Variants in NT5DC3 observed in about 807,000 individuals in gnomAD.
NT5DC3 encodes 5'-nucleotidase domain-containing protein 3.
In NT5DC3, 42 loss-of-function variants were observed where a neutral mutation model predicts 67.8. That is an observed-to-expected ratio of 0.62 (90% confidence interval 0.48 to 0.80). The LOEUF (loss-of-function observed/expected upper bound fraction) is 0.80, where lower values mean the gene tolerates loss of function less well. NT5DC3 is among the 30% of genes least tolerant of loss of function. The probability of loss-of-function intolerance (pLI) is 0.00; values close to 1 mark genes in which losing one functional copy is unlikely to be tolerated. For synonymous variants in NT5DC3, 237 were observed against 255.6 expected (o/e 0.93, Z 0.69); for missense variants, 570 against 696.4 (o/e 0.82, Z 2.04).
At position 103,841,053 on chromosome 12, in the gene NT5DC3, G is replaced by A. The variant is rs977896766; in HGVS notation, c.104C>T (p.Pro35Leu). The A allele has an allele frequency of 3.2e-6, 4 of 1,261,440 alleles. No individual in the cohort carries two copies. In the African/African-American group the frequency reaches 4.7e-5, roughly 15 times the overall value. 78.1% of individuals were successfully genotyped at this position (1,261,440 alleles called of 1,614,324 possible). Residue 35 changes from proline (P) to leucine (L), a missense_variant, in exon 1 of 14, where the codon CCG (proline) becomes CTG (leucine). Pro to Leu is a moderately conservative substitution (Grantham distance 98, BLOSUM62 -3). This residue lies in a region of NT5DC3 where 104 missense variants were observed against 88.4 expected (regional missense o/e 1.18). Coordinates refer to ENST00000392876, the MANE Select transcript of NT5DC3 (RefSeq NM_001031701.3). ...GGCGTAARGR[P>L]CAGPARPLCT... The stretch of plus-strand genomic sequence containing the variant: ...CAAGGGCCGGGCGGGGCCCGCACAC[G>A]GCCGCCCCCGAGCCGCGGTCCCGCA...
At chr12:103,792,970 T>C (rs1425768959) in intron 9 of NT5DC3, among the ~76,000 whole-genome samples, 194 bp downstream of exon 9, 9 of 152,246 alleles carry the variant, frequency 5.9e-5, no homozygotes, top group African/African-American at 2.2e-4. Context: ...CTGAGAACCC[T>C]TTCAATGCAT....
intron 1 of NT5DC3, among the ~76,000 whole-genome samples, chr12:103,838,871 G>A (rs1307476415): frequency 6.6e-6 from 1 of 152,168 alleles, no homozygotes; most frequent in African/African-American, 2.4e-5. Flanking sequence ...GTTACATACT[G>A]TATGACTCCA....
chr12:103,829,498 T>C (rs1303162119), intron 1 of NT5DC3, among the ~76,000 whole-genome samples: 1 of 152,268 alleles, frequency 6.6e-6, no homozygotes, highest in Non-Finnish European at 1.5e-5. Flanking sequence ...CCCATTCTAT[T>C]AATCTCAACC....
chr12:103,758,207 G>T, the NT5DC3 span: 16 of 1,614,038 alleles, frequency 9.9e-6, no homozygotes, highest in Non-Finnish European at 1.3e-5. Flanking sequence ...GCTCGAGGCC[G>T]TGCATTTCTA....
At chr12:103,824,784 G>GC (rs1368589661) in intron 1 of NT5DC3, among the ~76,000 whole-genome samples, 1 of 122,952 alleles carries the variant, frequency 8.1e-6, no homozygotes, top group African/African-American at 3.1e-5. Flanking sequence ...CTCCACCCCT[G>GC]CCCAGCCCCA....
At position 103,805,657 on chromosome 12, in the gene NT5DC3, C is replaced by T. The variant is rs559071326; in HGVS notation, c.524+665G>A. On this transcript the variant is annotated intron_variant, in intron 4 of 13. Coordinates refer to ENST00000392876, the MANE Select transcript of NT5DC3 (RefSeq NM_001031701.3). Reference sequence around the variant, plus strand: ...GGTCAGGAGTTCAAGACCAGCCTGGCTAATATGGTGAAACCCTGTCTCTAC... The same window carrying T: ...GGTCAGGAGTTCAAGACCAGCCTGGTTAATATGGTGAAACCCTGTCTCTAC... Among the ~76,000 whole-genome samples the T allele has an allele frequency of 6.6e-5, 10 of 152,046 alleles. No individual in the cohort carries two copies. The South Asian group carries it at 1.9e-3, about 28-fold the overall frequency.
At chr12:103,786,159 A>G (rs1452784449) in intron 11 of NT5DC3, among the ~76,000 whole-genome samples, 3 of 152,166 alleles carry the variant, frequency 2.0e-5, no homozygotes, top group Non-Finnish European at 1.5e-5. Flanking sequence ...GAAAATACAG[A>G]CAATAAATAA....
At chr12:103,804,707 AAAAC>A (rs1886723185) in intron 4 of NT5DC3, among the ~76,000 whole-genome samples, 1 of 152,266 alleles carries the variant, frequency 6.6e-6, no homozygotes, top group African/African-American at 2.4e-5. Flanking sequence ...AAATCTAAGA[AAAAC>A]AAAATATTGT....
chr12:103,778,808 A>AAAAAGAAAAG lies in NT5DC3; in HGVS notation c.1395-737_1395-728dup, dbSNP rs149310346. 1.9e-3 allele frequency among the ~76,000 whole-genome samples: 286 copies of AAAAAGAAAAG among 152,252 alleles called. 2 individuals carry two copies. The highest frequency in any genetic ancestry group is 3.9e-4 in the East Asian group (2 of 5,160). On this transcript the variant is annotated intron_variant, in intron 13 of 13. Transcript: ENST00000392876. ...GTGACAGAATGAGACCCTATCTCAA[A>AAAAAGAAAAG]AAAAGAAAAGAAAAGAAAAGAAAAC...
chr12:103,807,522 A>G (rs911260065), intron 2 of NT5DC3, among the ~76,000 whole-genome samples: 1 of 152,130 alleles, frequency 6.6e-6, no homozygotes, highest in Non-Finnish European at 1.5e-5. Context: ...TCTCATCTGG[A>G]TAGCTGGCCA....
the NT5DC3 span, chr12:103,750,730 A>C: frequency 1.2e-6 from 2 of 1,608,232 alleles, no homozygotes; most frequent in Non-Finnish European, 1.7e-6. Flanking sequence ...GGTTAGTGTG[A>C]CCAGGGCCTA....
chr12:103,787,668 T>C (rs1437941181), intron 10 of NT5DC3, 141 bp from the exon 11 acceptor site: 5 of 499,506 alleles, frequency 1.0e-5, no homozygotes, highest in African/African-American at 9.6e-5. Flanking sequence ...AGCACCTTCA[T>C]GGGAAATCTT....
intron 1 of NT5DC3, among the ~76,000 whole-genome samples, chr12:103,834,369 A>T (rs1481511936): frequency 6.6e-6 from 1 of 152,242 alleles, no homozygotes; most frequent in Non-Finnish European, 1.5e-5. Context: ...ATTGAGGGAC[A>T]TTCTGCAAAG....
intron 1 of NT5DC3, among the ~76,000 whole-genome samples, chr12:103,824,942 T>C (rs1887630245): frequency 6.6e-6 from 1 of 152,132 alleles, no homozygotes; most frequent in Non-Finnish European, 1.5e-5. Flanking sequence ...ACTTACCATA[T>C]CTACAATGTG....
At position 103,787,364 on chromosome 12, in the gene NT5DC3, C is replaced by T. The variant is rs1159482442; in HGVS notation, c.1188+77G>A. The T allele has an allele frequency of 4.3e-6, 3 of 690,646 alleles. No individual in the cohort carries two copies. The African/African-American group carries it at 5.5e-5, about 13-fold the overall frequency. The allele number at this position is 690,646 out of a possible 1,614,324, so 42.8% of individuals were successfully genotyped here. On this transcript the variant is annotated intron_variant, in intron 11 of 13. Coordinates refer to ENST00000392876, the MANE Select transcript of NT5DC3 (RefSeq NM_001031701.3). Reference sequence around the variant, plus strand: ...TATATTCTTAAATAAAAGGTACATCCTTAAATAAAAGATACATTCTTTAGT... The same window carrying T: ...TATATTCTTAAATAAAAGGTACATCTTTAAATAAAAGATACATTCTTTAGT...
chr12:103,840,117 A>T (rs944504081), intron 1 of NT5DC3, among the ~76,000 whole-genome samples: 1 of 152,190 alleles, frequency 6.6e-6, no homozygotes, highest in African/African-American at 2.4e-5. Context: ...AGGTCATTTA[A>T]ACCTGAGTCT....
At chr12:103,840,077 C>T (rs990023282) in intron 1 of NT5DC3, among the ~76,000 whole-genome samples, 11 of 152,214 alleles carry the variant, frequency 7.2e-5, no homozygotes, top group African/African-American at 2.7e-4. Context: ...GGAGCTGAGA[C>T]AGTCCCTAAA....
rs994940135 is a variant in NT5DC3 at position 103,777,294 on chromosome 12, A to C, written c.*535T>G. The C allele has an allele frequency of 6.5e-6, 1 of 154,806 alleles. No homozygotes were observed. Among genetic ancestry groups the C allele is most frequent in the Non-Finnish European group, 1.4e-5 (1 of 69,670 alleles). 9.6% of individuals were successfully genotyped at this position (154,806 alleles called of 1,614,324 possible). A position where few individuals can be genotyped will look rare whatever the true frequency, so the allele number is the denominator to read the frequency against. ...TTTGATGTGATGTGCCAGAATGTCA[A>C]AGCCTTAGTACCAAATGATTTGGGA... is the stretch of plus-strand genomic sequence containing the variant. On this transcript the variant is annotated 3_prime_UTR_variant, in exon 14 of 14. Coordinates refer to ENST00000392876, the MANE Select transcript of NT5DC3 (RefSeq NM_001031701.3).
chr12:103,758,322 C>G, the NT5DC3 span: 2 of 1,609,214 alleles, frequency 1.2e-6, no homozygotes, highest in Non-Finnish European at 1.7e-6. Context: ...TTGCTTTAGA[C>G]TAGCATGTTA....
Sources: gnomAD v4.1 joint callset for allele counts (sites outside exome capture counted in the v4.1 genomes callset) on GRCh38, gnomAD v4.1.1 for gene constraint, gnomAD v4.1.1 regional missense constraint, MANE v1.5 for transcripts, NCBI Gene and HGNC (gene_info 2026-07-23, HGNC 2026-07-21) for gene names.